Variants in CCDC191 observed in about 807,000 individuals in gnomAD.
CCDC191 encodes coiled-coil domain-containing protein 191.
CCDC191 carries 99 observed loss-of-function variants against 114.0 expected under a neutral mutation model. That is an observed-to-expected ratio of 0.87 (90% CI 0.74 to 1.03). CCDC191 has a LOEUF of 1.03. Among genes scored for constraint, CCDC191 ranks in the 50% least tolerant of loss-of-function variants. The probability of loss-of-function intolerance (pLI) is 0.00; values close to 1 mark genes in which losing one functional copy is unlikely to be tolerated. For synonymous variants in CCDC191, 351 were observed against 376.0 expected (o/e 0.93, Z 0.77); for missense variants, 973 against 1,087.0 (o/e 0.90, Z 1.47).
intron 16 of CCDC191, among the ~76,000 whole-genome samples, chr3:113,966,065 G>T (rs1482479530): frequency 6.6e-6 from 1 of 152,090 alleles, no homozygotes. Context: ...AAGGGATCCA[G>T]AAACCACAAC....
At position 114,042,829 on chromosome 3, in the gene CCDC191, C is replaced by A; in HGVS notation, c.289G>T (p.Asp97Tyr). 6.2e-7 allele frequency: 1 copy of A among 1,600,956 alleles called. No individual in the cohort carries two copies. The highest frequency in any genetic ancestry group is 1.1e-5 in the South Asian group (1 of 87,904). The change falls in exon 4 of 17, where the codon GAC becomes TAC. Residue 97 changes from aspartate to tyrosine, a missense_variant. Asp to Tyr is a radical substitution (Grantham distance 160). Transcript: ENST00000295878. ...IYAEAQELVN[D>Y]WLDTKLKQEL... Reference sequence around the variant, plus strand: ...TGCTTAAGTTTGGTGTCTAACCAGTCATTGACCAGCTCCTGAGCTACAATA... The same window carrying A: ...TGCTTAAGTTTGGTGTCTAACCAGTAATTGACCAGCTCCTGAGCTACAATA...
chr3:114,014,252 C>G (rs537206917), intron 8 of CCDC191, among the ~76,000 whole-genome samples: 1 of 152,056 alleles, frequency 6.6e-6, no homozygotes, highest in South Asian at 2.1e-4. Flanking sequence ...CCCCCAGGGA[C>G]AAAATGGAAG....
rs147424479 is a variant in CCDC191, at chr3:113,988,321, C to T, written c.2164-7528G>A. On this transcript the variant is annotated intron_variant, in intron 13 of 16. Transcript: ENST00000295878. ...CCAGCCTGGTCAAGATGGTGAAACC[C>T]CATCTCTACTAAAAATACAAAAATT... is the stretch of plus-strand genomic sequence containing the variant. Among the ~76,000 whole-genome samples the T allele has an allele frequency of 7.1e-3, 1,082 of 151,614 alleles. 9 individuals are homozygous for T. Among genetic ancestry groups the T allele is most frequent in the Middle Eastern group, 0.024 (7 of 294 alleles).
intron 13 of CCDC191, among the ~76,000 whole-genome samples, chr3:113,994,512 C>A (rs184306514): frequency 6.6e-6 from 1 of 151,848 alleles, no homozygotes; most frequent in Non-Finnish European, 1.5e-5. Flanking sequence ...CATTGACTTA[C>A]CACACTACCT....
chr3:113,978,773 C>T, intron 15 of CCDC191, 85 bp downstream of exon 15: 2 of 1,421,488 alleles, frequency 1.4e-6, no homozygotes, highest in Non-Finnish European at 1.9e-6. Flanking sequence ...ACATAATGAC[C>T]CTGGACATTC....
rs1015633701 is a variant in CCDC191, at chr3:114,016,981, A to G, written c.1163+1697T>C. ...ACTAGGTCCTGAGATTTTAGAAACAAACTATGGGAGAGTTTTCTGTGTTGG... is the reference window on the plus strand; with the variant it reads ...ACTAGGTCCTGAGATTTTAGAAACAGACTATGGGAGAGTTTTCTGTGTTGG... On this transcript the variant is annotated intron_variant, in intron 8 of 16. Transcript: ENST00000295878. 1.7e-4 allele frequency among the ~76,000 whole-genome samples: 26 copies of G among 152,332 alleles called. 1 individual carries two copies. Among genetic ancestry groups the G allele is most frequent in the Non-Finnish European group, 3.8e-4 (26 of 68,022 alleles).
At chr3:113,965,743 C>T (rs906797203) in intron 16 of CCDC191, among the ~76,000 whole-genome samples, 1 of 152,078 alleles carries the variant, frequency 6.6e-6, no homozygotes, top group Non-Finnish European at 1.5e-5. Flanking sequence ...GTGCCTGCCA[C>T]CATGCCTGGC....
intron 13 of CCDC191, 142 bp downstream of exon 13, chr3:114,001,453 C>G: frequency 2.4e-6 from 3 of 1,241,088 alleles, no homozygotes; most frequent in Non-Finnish European, 3.2e-6. Flanking sequence ...TAGCTTTTCA[C>G]TAAGTAAGAT....
In CCDC191 at chr3:114,018,826, C is replaced by A; in HGVS notation, c.1015G>T (p.Asp339Tyr). The A allele has an allele frequency of 6.2e-7, 1 of 1,613,816 alleles. No homozygotes were observed. The highest frequency in any genetic ancestry group is 1.1e-5 in the South Asian group (1 of 91,062). Residue 339 changes from aspartate (D) to tyrosine (Y), a missense_variant, in exon 8 of 17, where the codon GAT becomes TAT. Asp to Tyr is a radical substitution (Grantham distance 160). Coordinates refer to ENST00000295878, the MANE Select transcript of CCDC191 (RefSeq NM_020817.2). The stretch of plus-strand genomic sequence containing the variant: ...GCTTTCCCCAGCTTAATCCTATGAT[C>A]AAGAATCAGCTTGTGCCAGGCAGCG... The part of the protein sequence containing the change: ...YFAAWHKLIL[D>Y]HRIKLGKAGT...
intron 11 of CCDC191, chr3:114,004,421 G>T: frequency 9.0e-7 from 1 of 1,112,166 alleles, no homozygotes. Context: ...TGTGTTGGCT[G>T]GGAATGCCAA....
Position 114,005,696 on chromosome 3 carries a change from T to C in CCDC191, c.1680A>G (p.Gln560=), listed in dbSNP as rs2075943001. 6.2e-7 allele frequency: 1 copy of C among 1,614,164 alleles called. No individual in the cohort carries two copies. The change falls in exon 10 of 17, where the codon CAA becomes CAG. Residue 560 remains glutamine (Q), a synonymous_variant. Coordinates refer to ENST00000295878, the MANE Select transcript of CCDC191 (RefSeq NM_020817.2). The stretch of plus-strand genomic sequence containing the variant: ...TCTTCTTTTGCTTCTCAATCAGCTG[T>C]TGCTGGAAGACATGGCGGTTGTGGA... ...GHFHNRHVFQ[Q]QLIEKQKKKL...
intron 8 of CCDC191, among the ~76,000 whole-genome samples, chr3:114,015,644 T>G (rs567913267): frequency 6.6e-6 from 1 of 152,300 alleles, no homozygotes; most frequent in East Asian, 1.9e-4. Context: ...CAGTTCAAAT[T>G]TCAATACCAC....
At chr3:114,001,843 A>C in intron 12 of CCDC191, 147 bp from the exon 13 acceptor site, 6 of 920,764 alleles carry the variant, frequency 6.5e-6, no homozygotes, top group Non-Finnish European at 9.6e-6. Flanking sequence ...TAGAAAACTC[A>C]ATCAACCTGT....
At chr3:113,972,374 T>C (rs1276060382) in intron 16 of CCDC191, among the ~76,000 whole-genome samples, 2 of 152,164 alleles carry the variant, frequency 1.3e-5, no homozygotes, top group African/African-American at 4.8e-5. Context: ...TTTCCTTCTA[T>C]CTGTGTAGCT....
At chr3:113,966,839 C>A (rs962955392) in intron 16 of CCDC191, among the ~76,000 whole-genome samples, 1 of 152,098 alleles carries the variant, frequency 6.6e-6, no homozygotes, top group Admixed American at 6.5e-5. Context: ...TGGGTCACAC[C>A]TGTAATCCCA....
intron 4 of CCDC191, among the ~76,000 whole-genome samples, chr3:114,038,199 T>G (rs1217565716): frequency 6.6e-6 from 1 of 152,216 alleles, no homozygotes; most frequent in East Asian, 1.9e-4. Flanking sequence ...AGTTTTCTAA[T>G]GACTAATGTT....
In CCDC191 at chr3:114,042,822, A is replaced by G. The variant is rs769447289; in HGVS notation, c.296T>C (p.Leu99Ser). Residue 99 changes from leucine to serine, a missense_variant, in exon 4 of 17, where the codon TTA becomes TCA. Physicochemically the swap from Leu to Ser is moderately radical, Grantham distance 145 (BLOSUM62 -2). Transcript: ENST00000295878. ...AEAQELVNDW[L>S]DTKLKQELAS... ...TAATTCTTGCTTAAGTTTGGTGTCT[A>G]ACCAGTCATTGACCAGCTCCTGAGC... is the stretch of plus-strand genomic sequence containing the variant. 1.9e-6 allele frequency: 3 copies of G among 1,603,012 alleles called. No individual in the cohort carries two copies. The East Asian group carries it at 6.8e-5, about 36-fold the overall frequency.
chr3:113,982,865 A>C (rs2075214008), intron 13 of CCDC191, among the ~76,000 whole-genome samples: 1 of 151,474 alleles, frequency 6.6e-6, no homozygotes, highest in Non-Finnish European at 1.5e-5. Context: ...AACAAAAAAA[A>C]AAAAACCAAA....
intron 4 of CCDC191, among the ~76,000 whole-genome samples, chr3:114,038,033 C>T (rs891835422): frequency 2.6e-5 from 4 of 152,198 alleles, no homozygotes. Context: ...AACTATCAAA[C>T]TGTTGTCCAA....
Sources: allele counts gnomAD v4.1 joint callset (sites outside exome capture counted in the v4.1 genomes callset), GRCh38; gene constraint gnomAD v4.1.1; transcripts MANE v1.5; gene names NCBI Gene and HGNC (gene_info 2026-07-23, HGNC 2026-07-21).